Variants in PTCHD4 observed in about 807,000 individuals in gnomAD.
PTCHD4 encodes patched domain-containing protein 4.
PTCHD4 carries 33 observed loss-of-function variants against 58.1 expected under a neutral mutation model. That is an observed-to-expected ratio of 0.57 (90% CI 0.43 to 0.76). The LOEUF (loss-of-function observed/expected upper bound fraction) is 0.76, where lower values mean the gene tolerates loss of function less well. Ranked by LOEUF, PTCHD4 falls within the 30% of genes least tolerant of loss-of-function variation. The probability of loss-of-function intolerance (pLI) is 0.00; values close to 1 mark genes in which losing one functional copy is unlikely to be tolerated. For missense variants in PTCHD4, 1,058 were observed against 1,027.1 expected (o/e 1.03, Z -0.41); for synonymous variants, 478 against 409.6 (o/e 1.17, Z -2.02).
chr6:47,976,298 C>T (rs182508359), intron 4 of PTCHD4, among the ~76,000 whole-genome samples: 252 of 152,286 alleles, frequency 1.7e-3, no homozygotes, highest in African/African-American at 5.8e-3. Context: ...ATTATCCTAT[C>T]TGCTGAAAGT....
intron 4 of PTCHD4, among the ~76,000 whole-genome samples, chr6:47,946,923 A>G (rs1766441993): frequency 6.6e-6 from 1 of 152,090 alleles, no homozygotes; most frequent in Admixed American, 6.6e-5. Context: ...AGCTCTTTGC[A>G]ACCTTGACCT....
chr6:47,960,903 G>T (rs1767059834), intron 4 of PTCHD4, among the ~76,000 whole-genome samples: 1 of 149,872 alleles, frequency 6.7e-6, no homozygotes, highest in African/African-American at 2.5e-5. Context: ...AAAATCAGCA[G>T]GGTGATAGAT....
At position 47,864,943 on chromosome 6, in the gene PTCHD4, TG is replaced by T. The variant is rs2114065479; in HGVS notation, c.*13359del. ...ACATCTTTATGGTAGAATAAAAGCA[TG>T]TGCCTTATACATAACTTTCATAGAA... is the stretch of plus-strand genomic sequence containing the variant. On this transcript the variant is annotated 3_prime_UTR_variant, in exon 5 of 5. Coordinates refer to ENST00000339488, the MANE Select transcript of PTCHD4 (RefSeq NM_001384253.1). Among the ~76,000 whole-genome samples the T allele has an allele frequency of 6.7e-6, 1 of 150,236 alleles. No homozygotes were observed. The highest frequency in any genetic ancestry group is 2.1e-4 in the South Asian group (1 of 4,734).
At chr6:47,981,851 C>T (rs1045499887) in intron 4 of PTCHD4, among the ~76,000 whole-genome samples, 3 of 152,206 alleles carry the variant, frequency 2.0e-5, no homozygotes, top group African/African-American at 7.2e-5. Context: ...TTAGGAGATA[C>T]TCCATACCGC....
rs1176826379 is a variant in PTCHD4, at chr6:47,942,607, C to A, written c.899-62671G>T. 2.0e-5 allele frequency among the ~76,000 whole-genome samples: 3 copies of A among 152,298 alleles called. No homozygotes were observed. In the South Asian group the frequency reaches 6.2e-4, roughly 32 times the overall value. On this transcript the variant is annotated intron_variant, in intron 4 of 4. Coordinates refer to ENST00000339488, the MANE Select transcript of PTCHD4 (RefSeq NM_001384253.1). Reference sequence around the variant, plus strand: ...GAAAATTTGGTTTAAAAAAGCAGGTCTTTTCAGTGACAGAGCAAGACCCTG... The same window carrying A: ...GAAAATTTGGTTTAAAAAAGCAGGTATTTTCAGTGACAGAGCAAGACCCTG...
intron 1 of PTCHD4, among the ~76,000 whole-genome samples, chr6:48,102,485 G>A (rs972105486): frequency 1.3e-5 from 2 of 152,206 alleles, no homozygotes; most frequent in Admixed American, 1.3e-4. Flanking sequence ...TGAGGGTGGA[G>A]CCAAGATGGC....
Position 47,869,316 on chromosome 6 carries a change from C to T in PTCHD4, c.*8987G>A, listed in dbSNP as rs1193823115. On this transcript the variant is annotated 3_prime_UTR_variant, in exon 5 of 5. Coordinates refer to ENST00000339488, the MANE Select transcript of PTCHD4 (RefSeq NM_001384253.1). Reference sequence around the variant, plus strand: ...GTGCTTTGTGATTAATCTCTGGGTACTACTGAGGAGCCGCTGGCTCACTCA... The same window carrying T: ...GTGCTTTGTGATTAATCTCTGGGTATTACTGAGGAGCCGCTGGCTCACTCA... Among the ~76,000 whole-genome samples the T allele has an allele frequency of 6.6e-6, 1 of 151,716 alleles. No individual in the cohort carries two copies. Among genetic ancestry groups the T allele is most frequent in the Non-Finnish European group, 1.5e-5 (1 of 67,800 alleles).
At chr6:48,086,458 CA>C (rs199629392) in intron 1 of PTCHD4, among the ~76,000 whole-genome samples, 27,021 of 144,264 alleles carry the variant, frequency 0.19, 2,640 homozygotes, top group African/African-American at 0.28. Context: ...TAGTATCCAT[CA>C]AAAAAAAAAA....
intron 4 of PTCHD4, among the ~76,000 whole-genome samples, chr6:47,925,183 G>A (rs1046901847): frequency 9.5e-5 from 14 of 147,052 alleles, no homozygotes; most frequent in Admixed American, 2.1e-4. Flanking sequence ...TTATATATAT[G>A]TGTGTGTGTG....
intron 1 of PTCHD4, among the ~76,000 whole-genome samples, chr6:48,109,498 G>A (rs938534398): frequency 6.6e-6 from 1 of 152,018 alleles, no homozygotes; most frequent in Non-Finnish European, 1.5e-5. Flanking sequence ...CCTTGACAAT[G>A]AGTTTTTTGT....
chr6:47,976,824 A>G (rs1188630551), intron 4 of PTCHD4, among the ~76,000 whole-genome samples: 1 of 152,104 alleles, frequency 6.6e-6, no homozygotes, highest in African/African-American at 2.4e-5. Context: ...TTCAGCATCA[A>G]CAATAAGAAT....
chr6:48,068,730 C>T lies in PTCHD4; in HGVS notation c.6-89G>A. 7.7e-7 allele frequency: 1 copy of T among 1,299,576 alleles called. No homozygotes were observed. The highest frequency in any genetic ancestry group is 1.0e-6 in the Non-Finnish European group (1 of 966,722). The allele number at this position is 1,299,576 out of a possible 1,614,324, so 80.5% of individuals were successfully genotyped here. ...TGGGGCCAGTCCCCCCTCCCCACCG[C>T]CGCCGCCTCCCCACCCACTCCGCGC... On this transcript the variant is annotated intron_variant, in intron 2 of 4. Coordinates refer to ENST00000339488, the MANE Select transcript of PTCHD4 (RefSeq NM_001384253.1). This position sits in a 1 kb window ranked among gnomAD's most constrained non-coding sequence, Gnocchi z 4.2.
intron 4 of PTCHD4, among the ~76,000 whole-genome samples, chr6:47,881,905 C>T (rs776060464): frequency 1.3e-4 from 20 of 151,980 alleles, no homozygotes; most frequent in Non-Finnish European, 2.4e-4. Flanking sequence ...TAGAAAGGTT[C>T]GTGTAAACTG....
At chr6:47,971,761 A>G (rs1018306426) in intron 4 of PTCHD4, among the ~76,000 whole-genome samples, 4 of 152,218 alleles carry the variant, frequency 2.6e-5, no homozygotes, top group African/African-American at 9.6e-5. Flanking sequence ...CCATCACTGG[A>G]CATAGAAAAA....
At chr6:48,012,529 T>C (rs1403870205) in intron 3 of PTCHD4, among the ~76,000 whole-genome samples, 1 of 152,198 alleles carries the variant, frequency 6.6e-6, no homozygotes, top group Non-Finnish European at 1.5e-5. Context: ...ACAGAAACGA[T>C]TTGACTTCCT....
chr6:47,988,181 T>A (rs1400199789), intron 4 of PTCHD4, among the ~76,000 whole-genome samples: 1 of 152,210 alleles, frequency 6.6e-6, no homozygotes, highest in Non-Finnish European at 1.5e-5. Context: ...TGGGTCTTTG[T>A]ATACATTTAC....
intron 4 of PTCHD4, among the ~76,000 whole-genome samples, chr6:47,892,514 C>T (rs1483322877): frequency 6.6e-6 from 1 of 152,172 alleles, no homozygotes; most frequent in Non-Finnish European, 1.5e-5. Context: ...CTGAATTTAA[C>T]AGTTCATTAA....
At chr6:48,033,961 A>G (rs983342197) in intron 3 of PTCHD4, among the ~76,000 whole-genome samples, 4 of 152,136 alleles carry the variant, frequency 2.6e-5, no homozygotes, top group Non-Finnish European at 4.4e-5. Context: ...TGAATAATTA[A>G]ATTGGATGCT....
At chr6:48,100,827 C>T (rs1344595944) in intron 1 of PTCHD4, among the ~76,000 whole-genome samples, 1 of 152,090 alleles carries the variant, frequency 6.6e-6, no homozygotes, top group African/African-American at 2.4e-5. Flanking sequence ...CGTGCATCTA[C>T]CACTTGGGAT....
Sources: gnomAD v4.1 joint callset for allele counts (sites outside exome capture counted in the v4.1 genomes callset) on GRCh38, gnomAD v4.1.1 for gene constraint, Gnocchi (gnomAD v3.1) non-coding constraint, MANE v1.5 for transcripts, NCBI Gene and HGNC (gene_info 2026-07-23, HGNC 2026-07-21) for gene names.